MTA1: variants seen among roughly 807,000 people sequenced by gnomAD.
The protein encoded by MTA1 is metastasis associated 1.
Under a neutral mutation model 97.0 loss-of-function variants are expected in MTA1, and 15 were observed. The observed-to-expected ratio is 0.15, with a 90% CI of 0.10 to 0.24. The LOEUF is 0.24. Among genes scored for constraint, MTA1 ranks in the 10% least tolerant of loss-of-function variants. MTA1 has a pLI of 1.00. For synonymous variants in MTA1, 435 were observed against 417.5 expected, an observed-to-expected ratio of 1.04 and a Z score of -0.51; for missense variants, 709 against 1,015.1, an observed-to-expected ratio of 0.70 and a Z score of 4.10.
At chr14:105,462,978 T>G (rs2083417626) in intron 10 of MTA1, among the ~76,000 whole-genome samples, 1 of 152,176 alleles carries the variant, frequency 6.6e-6, no homozygotes, top group South Asian at 2.1e-4. Context: ...GTCACTGTGT[T>G]TTGGCATCTG....
At position 105,466,449 on chromosome 14, in the gene MTA1, C is replaced by G. The variant is rs782550597; in HGVS notation, c.1648C>G (p.Pro550Ala). The part of the protein sequence containing the change: ...YLETHPRPPK[P>A]DPVKSVSSVL... ...AGAGACCCACCCCCGCCCCCCCAAG[C>G]CTGACCCCGTGAAAAGCGTGTCCAG... The change falls in exon 17 of 21, where the codon CCT becomes GCT. Residue 550 changes from proline (P) to alanine (A), a missense_variant. This residue lies in a region of MTA1 where 388 missense variants were observed against 421.6 expected (regional missense o/e 0.92). Coordinates refer to ENST00000331320, the MANE Select transcript of MTA1 (RefSeq NM_004689.4). 3 of 1,319,428 alleles carry G rather than the reference C, an allele frequency of 2.3e-6. No individual in the cohort carries two copies. The highest frequency in any genetic ancestry group is 1.2e-5 in the South Asian group (1 of 85,496). 81.7% of individuals were successfully genotyped at this position (1,319,428 alleles called of 1,614,324 possible).
At chr14:105,445,321 T>G (rs1376584264) in intron 2 of MTA1, 97 bp from the exon 3 acceptor site, 12 of 1,082,648 alleles carry the variant, frequency 1.1e-5, no homozygotes, top group Non-Finnish European at 1.4e-5. Flanking sequence ...ACACCTGCAG[T>G]CCCTGGACGG....
At chr14:105,466,856 C>T (rs1287402162) in intron 18 of MTA1, 114 bp downstream of exon 18, 15 of 1,088,598 alleles carry the variant, frequency 1.4e-5, no homozygotes, top group African/African-American at 3.2e-5. Context: ...GGGCAGTCCA[C>T]GTGAGCCAGG....
intron 18 of MTA1, among the ~76,000 whole-genome samples, chr14:105,468,616 G>A (rs904290650): frequency 5.9e-5 from 9 of 152,216 alleles, no homozygotes; most frequent in Non-Finnish European, 1.0e-4. Context: ...GTTCCTTAAG[G>A]GATGGGCCTC....
chr14:105,467,107 C>T, intron 18 of MTA1: 1 of 418,816 alleles, frequency 2.4e-6, no homozygotes, highest in Non-Finnish European at 4.5e-6. Context: ...GTGCGCCTGC[C>T]AGGCGGGACA....
chr14:105,451,645 T>C lies in MTA1; in HGVS notation c.432+1321T>C, dbSNP rs371856525. Among the ~76,000 whole-genome samples the C allele has an allele frequency of 3.3e-5, 5 of 152,272 alleles. No individual in the cohort carries two copies. In the East Asian group the frequency reaches 9.6e-4, roughly 29 times the overall value. On this transcript the variant is annotated intron_variant, in intron 6 of 20. Coordinates refer to ENST00000331320, the MANE Select transcript of MTA1 (RefSeq NM_004689.4). Reference sequence around the variant, plus strand: ...GCCCGTGAGGAAGCAGCAGGTGCAGTGACAAGCCTGTCTGCACTGTGTCCG... The same window carrying C: ...GCCCGTGAGGAAGCAGCAGGTGCAGCGACAAGCCTGTCTGCACTGTGTCCG...
chr14:105,437,093 GT>G (rs2082347815), intron 1 of MTA1, among the ~76,000 whole-genome samples: 1 of 152,264 alleles, frequency 6.6e-6, no homozygotes, highest in Admixed American at 6.5e-5. Context: ...GGAGCTCTAT[GT>G]GGGCGTAGCC....
chr14:105,450,869 C>A (rs934218326), intron 6 of MTA1, among the ~76,000 whole-genome samples: 1 of 152,214 alleles, frequency 6.6e-6, no homozygotes, highest in African/African-American at 2.4e-5. Flanking sequence ...TGTCGCCTGA[C>A]GGAGAGCGGT....
At chr14:105,434,706 G>A (rs1555424056) in intron 1 of MTA1, among the ~76,000 whole-genome samples, 1 of 151,980 alleles carries the variant, frequency 6.6e-6, no homozygotes, top group African/African-American at 2.4e-5. Flanking sequence ...GCTCCATATT[G>A]GTCAGGCTGG....
At position 105,458,519 on chromosome 14, in the gene MTA1, A is replaced by T. The variant is rs1205432242; in HGVS notation, c.653+147A>T. On this transcript the variant is annotated intron_variant, in intron 8 of 20. Coordinates refer to ENST00000331320, the MANE Select transcript of MTA1 (RefSeq NM_004689.4). ...GCGCTGCAGCCCTGAGACCCCCGGTAGCAGTTCCCAGAGAGGCTCGGGAGT... is the reference window on the plus strand; with the variant it reads ...GCGCTGCAGCCCTGAGACCCCCGGTTGCAGTTCCCAGAGAGGCTCGGGAGT... 5 of 707,578 alleles carry T rather than the reference A, an allele frequency of 7.1e-6. No homozygotes were observed. The African/African-American group carries it at 8.8e-5, about 12-fold the overall frequency. The allele number at this position is 707,578 out of a possible 1,614,324, so 43.8% of individuals were successfully genotyped here. A position where few individuals can be genotyped will look rare whatever the true frequency, so the allele number is the denominator to read the frequency against.
rs113264160 is a variant in MTA1 at position 105,422,873 on chromosome 14, T to A, written c.28+2810T>A. On this transcript the variant is annotated intron_variant, in intron 1 of 20. Transcript: ENST00000331320. This position sits in a 1 kb window ranked among gnomAD's most constrained non-coding sequence, Gnocchi z 4.3. Reference sequence around the variant, plus strand: ...CGGACAGAGGCCTTCTGTCTGTGCCTGTGAGGGCAGCGGATGGCCTGGGCA... The same window carrying A: ...CGGACAGAGGCCTTCTGTCTGTGCCAGTGAGGGCAGCGGATGGCCTGGGCA... Among the ~76,000 whole-genome samples, 1 of 152,178 alleles carries A rather than the reference T, an allele frequency of 6.6e-6. No homozygotes were observed. Among genetic ancestry groups the A allele is most frequent in the African/African-American group, 2.4e-5 (1 of 41,448 alleles).
rs117867151 is a variant in MTA1 at position 105,448,276 on chromosome 14, C to T, written c.191-1083C>T. The stretch of plus-strand genomic sequence containing the variant: ...CAGGGTACACTAGCCAGCCCCACCT[C>T]CTGCCTGGGTGTTTCTGCCTGTTGA... On this transcript the variant is annotated intron_variant, in intron 3 of 20. Coordinates refer to ENST00000331320, the MANE Select transcript of MTA1 (RefSeq NM_004689.4). Among the ~76,000 whole-genome samples the T allele has an allele frequency of 5.9e-3, 905 of 152,216 alleles. 7 individuals carry two copies. The highest frequency in any genetic ancestry group is 7.0e-3 in the Non-Finnish European group (475 of 67,994).
At chr14:105,438,472 C>T (rs1461802590) in intron 1 of MTA1, among the ~76,000 whole-genome samples, 200 bp from the exon 2 acceptor site, 1 of 152,190 alleles carries the variant, frequency 6.6e-6, no homozygotes, top group Non-Finnish European at 1.5e-5. Context: ...CCTGACCCAG[C>T]CTGTCAGTCC....
chr14:105,452,661 G>T (rs782561159), intron 6 of MTA1, among the ~76,000 whole-genome samples: 19 of 152,340 alleles, frequency 1.2e-4, no homozygotes, highest in Non-Finnish European at 2.1e-4. Context: ...TATCTTGGGT[G>T]ATAGAGCAAG....
At chr14:105,436,323 T>C (rs587604512) in intron 1 of MTA1, among the ~76,000 whole-genome samples, 2 of 152,336 alleles carry the variant, frequency 1.3e-5, no homozygotes, top group South Asian at 4.1e-4. Flanking sequence ...TCCCCTCTAC[T>C]ATTTTTGTTT....
At chr14:105,461,212 A>T (rs1001191020) in intron 10 of MTA1, among the ~76,000 whole-genome samples, 1 of 152,186 alleles carries the variant, frequency 6.6e-6, no homozygotes, top group African/African-American at 2.4e-5. Context: ...CCATTGCGTG[A>T]TGAGGATAAG....
At chr14:105,451,747 A>T (rs587736956) in intron 6 of MTA1, among the ~76,000 whole-genome samples, 128 of 146,064 alleles carry the variant, frequency 8.8e-4, no homozygotes, top group African/African-American at 2.9e-3. Context: ...CTGCTGCACG[A>T]TGCAGCCCTT....
At position 105,470,180 on chromosome 14, in the gene MTA1, C is replaced by G. The variant is rs1555434182; in HGVS notation, c.2113C>G (p.Pro705Ala). ...ALPPRPPPPA[P>A]VNDEPIVIED ...GCCGCCGCGGCCACCGCCACCTGCGCCCGTCAACGACGAGCCCATCGTCAT... is the reference window on the plus strand; with the variant it reads ...GCCGCCGCGGCCACCGCCACCTGCGGCCGTCAACGACGAGCCCATCGTCAT... The change falls in exon 21 of 21, where the codon CCC (proline) becomes GCC (alanine). Residue 705 changes from proline to alanine, a missense_variant. Around this residue, in one of 2 missense-constraint regions of MTA1, gnomAD observed 388 missense variants for 421.6 expected, o/e 0.92. Coordinates refer to ENST00000331320, the MANE Select transcript of MTA1 (RefSeq NM_004689.4). The G allele has an allele frequency of 6.2e-7, 1 of 1,608,330 alleles. No individual in the cohort carries two copies.
chr14:105,462,060 C>T (rs2083369427), intron 10 of MTA1, among the ~76,000 whole-genome samples: 1 of 3,024 alleles, frequency 3.3e-4, no homozygotes, highest in Non-Finnish European at 8.9e-4. Flanking sequence ...CCACGTGATG[C>T]CTAGCGAGGC....
Sources: gnomAD v4.1 joint callset for allele counts (sites outside exome capture counted in the v4.1 genomes callset) on GRCh38, gnomAD v4.1.1 for gene constraint, gnomAD v4.1.1 regional missense constraint, Gnocchi (gnomAD v3.1) non-coding constraint, MANE v1.5 for transcripts, NCBI Gene and HGNC (gene_info 2026-07-23, HGNC 2026-07-21) for gene names.